GAB1: variants seen among roughly 807,000 people sequenced by gnomAD.
GAB1 encodes GRB2-associated-binding protein 1.
A neutral mutation model predicts 66.5 loss-of-function variants in GAB1; 19 were observed. The ratio of observed to expected loss-of-function variants is 0.29; its 90% CI spans 0.20 to 0.42. GAB1 has a LOEUF of 0.42. GAB1 is among the 10% of genes least tolerant of loss of function. GAB1 has a pLI of 1.00. For synonymous variants in GAB1, 294 were observed against 301.4 expected (o/e 0.98, Z 0.25); for missense variants, 732 against 858.5 (o/e 0.85, Z 1.84).
chr4:143,396,800 A>G (rs1731477696), intron 1 of GAB1, among the ~76,000 whole-genome samples: 2 of 152,270 alleles, frequency 1.3e-5, no homozygotes, highest in South Asian at 4.1e-4. Context: ...CTAATTTTAA[A>G]AACTGTACAC....
intron 1 of GAB1, among the ~76,000 whole-genome samples, chr4:143,357,857 T>C (rs898295117): frequency 2.0e-5 from 3 of 149,536 alleles, no homozygotes; most frequent in African/African-American, 7.7e-5. Flanking sequence ...TAAGACTTAG[T>C]TTTAAATCAT....
intron 1 of GAB1, among the ~76,000 whole-genome samples, chr4:143,351,561 T>C (rs1729225414): frequency 6.6e-6 from 1 of 152,150 alleles, no homozygotes; most frequent in South Asian, 2.1e-4. Flanking sequence ...AAGGTGACCT[T>C]TCGGCGGCAA....
At position 143,438,121 on chromosome 4, in the gene GAB1, A is replaced by G; in HGVS notation, c.716A>G (p.Gln239Arg). ...GGAATGAATGGCTTTTTTCAGCAGC[A>G]AATGATATACGACTCTCCACCTTCA... is the stretch of plus-strand genomic sequence containing the variant. The part of the protein sequence containing the change: ...KHGMNGFFQQ[Q>R]MIYDSPPSRA... The change falls in exon 4 of 10, where the codon CAA (glutamine) becomes CGA (arginine). Residue 239 changes from glutamine (Q) to arginine (R), a missense_variant. Physicochemically the swap from Gln to Arg is conservative, Grantham distance 43. Transcript: ENST00000262994. The G allele has an allele frequency of 1.2e-6, 2 of 1,614,104 alleles. No individual in the cohort carries two copies. Among genetic ancestry groups the G allele is most frequent in the African/African-American group, 1.3e-5 (1 of 75,028 alleles).
Position 143,440,345 on chromosome 4 carries a change from A to G in GAB1, c.1548A>G (p.Pro516=). ...RRPVPVADCE[P]PPVDRNLKPD... ...CAGTTCCTGTTGCAGACTGTGAACC[A>G]CCCCCCGTGGATAGGAACCTCAAGC... Residue 516 remains proline (P), a synonymous_variant, in exon 6 of 10, where the codon CCA becomes CCG. Coordinates refer to ENST00000262994, the MANE Select transcript of GAB1 (RefSeq NM_002039.4). 6.2e-7 allele frequency: 1 copy of G among 1,613,574 alleles called. No homozygotes were observed.
chr4:143,371,217 C>T (rs1009077266), intron 1 of GAB1, among the ~76,000 whole-genome samples: 1 of 152,006 alleles, frequency 6.6e-6, no homozygotes, highest in African/African-American at 2.4e-5. Context: ...CCTGTTGTTT[C>T]CTGACTTTTT....
At chr4:143,417,131 A>C (rs1022747357) in intron 2 of GAB1, among the ~76,000 whole-genome samples, 1 of 152,236 alleles carries the variant, frequency 6.6e-6, no homozygotes, top group African/African-American at 2.4e-5. Flanking sequence ...TGCAAAATGT[A>C]GGCTTTTGAA....
Position 143,439,900 on chromosome 4 carries a change from G to A in GAB1, c.1281+13G>A. On this transcript the variant is annotated intron_variant, in intron 5 of 9. Transcript: ENST00000262994. ...CCATAACCACTTTGTAAGTATAATT[G>A]ACCTTGGCATCATCAAGTGTATTTC... 6.3e-7 allele frequency: 1 copy of A among 1,581,840 alleles called. No homozygotes were observed. The highest frequency in any genetic ancestry group is 8.7e-7 in the Non-Finnish European group (1 of 1,150,836).
intron 8 of GAB1, among the ~76,000 whole-genome samples, chr4:143,464,522 G>A (rs193230598): frequency 8.1e-4 from 123 of 152,194 alleles, no homozygotes; most frequent in African/African-American, 2.6e-3. Context: ...GAGCCACCGC[G>A]CCTAGCCATT....
At position 143,433,564 on chromosome 4, in the gene GAB1, A is replaced by G. The variant is rs1184103716; in HGVS notation, c.441A>G (p.Pro147=). 1 of 1,613,882 alleles carries G rather than the reference A, an allele frequency of 6.2e-7. No individual in the cohort carries two copies. The highest frequency in any genetic ancestry group is 8.5e-7 in the Non-Finnish European group (1 of 1,179,926). Residue 147 remains proline (P), a synonymous_variant, in exon 3 of 10, where the codon CCA becomes CCG. Transcript: ENST00000262994. ...CTTTAGCTATAAATACAGCACCACCATCCACCCAGGCAGATTCATCCTCTG... is the reference window on the plus strand; with the variant it reads ...CTTTAGCTATAAATACAGCACCACCGTCCACCCAGGCAGATTCATCCTCTG... ...DLPLAINTAP[P]STQADSSSAT...
At chr4:143,423,507 C>T (rs1253917982) in intron 2 of GAB1, among the ~76,000 whole-genome samples, 1 of 151,856 alleles carries the variant, frequency 6.6e-6, no homozygotes, top group Non-Finnish European at 1.5e-5. Flanking sequence ...ACCATCCTGG[C>T]TAACACAGTG....
chr4:143,446,040 A>G (rs1345693799), intron 6 of GAB1, among the ~76,000 whole-genome samples: 3 of 151,784 alleles, frequency 2.0e-5, no homozygotes, highest in Non-Finnish European at 4.4e-5. Flanking sequence ...GAGAACATGC[A>G]GTGTTTGGTT....
In GAB1 at chr4:143,433,702, G is replaced by A. The variant is rs201423682; in HGVS notation, c.579G>A (p.Lys193=). ...TGCTCATCAACTGTCAAAGCAAGAA[G>A]CCCGAACCCACCAGGTAAATTATAT... is the stretch of plus-strand genomic sequence containing the variant. ...YLLLINCQSK[K]PEPTRTHADS... The change falls in exon 3 of 10, where the codon AAG becomes AAA. Residue 193 remains lysine, a synonymous_variant. Transcript: ENST00000262994. The A allele has an allele frequency of 1.9e-6, 3 of 1,613,660 alleles. No individual in the cohort carries two copies. The East Asian group carries it at 6.7e-5, about 36-fold the overall frequency.
Position 143,366,945 on chromosome 4 carries a change from G to A in GAB1, c.72+29685G>A, listed in dbSNP as rs112724102. Among the ~76,000 whole-genome samples the A allele has an allele frequency of 2.7e-3, 417 of 151,974 alleles. 3 individuals carry two copies. The highest frequency in any genetic ancestry group is 9.7e-3 in the African/African-American group (400 of 41,370). On this transcript the variant is annotated intron_variant, in intron 1 of 9. Coordinates refer to ENST00000262994, the MANE Select transcript of GAB1 (RefSeq NM_002039.4). Reference sequence around the variant, plus strand: ...GGTTGGGTGCCATTCCTTCTTTAAGGACTATCTCAAATGGTACTTTTTTCC... The same window carrying A: ...GGTTGGGTGCCATTCCTTCTTTAAGAACTATCTCAAATGGTACTTTTTTCC...
intron 1 of GAB1, among the ~76,000 whole-genome samples, chr4:143,377,511 A>G (rs928146859): frequency 2.0e-5 from 3 of 152,214 alleles, no homozygotes; most frequent in African/African-American, 7.2e-5. Flanking sequence ...TTTTCTCAGA[A>G]CAGATCTTTT....
chr4:143,405,080 CAA>C (rs1205217964), intron 1 of GAB1, among the ~76,000 whole-genome samples: 1 of 152,130 alleles, frequency 6.6e-6, no homozygotes, highest in African/African-American at 2.4e-5. Context: ...TTTATTTAAA[CAA>C]GACGTTATTA....
chr4:143,439,813 C>G lies in GAB1; in HGVS notation c.1207C>G (p.Gln403Glu), dbSNP rs1734125743. Residue 403 changes from glutamine to glutamate, a missense_variant, in exon 5 of 10, where the codon CAA becomes GAA. Gln to Glu is a conservative substitution (Grantham distance 29, BLOSUM62 2). Around this residue, in one of 4 missense-constraint regions of GAB1, gnomAD observed 427 missense variants for 420.6 expected, o/e 1.02. Transcript: ENST00000262994. ...GTTCTTTATTTTAGATGCTAGTTCT[C>G]AAGACTGCTATGATATTCCACGAGC... is the stretch of plus-strand genomic sequence containing the variant. ...LNKLRKDASS[Q>E]DCYDIPRAFP... The G allele has an allele frequency of 1.2e-6, 2 of 1,611,802 alleles. No homozygotes were observed. The highest frequency in any genetic ancestry group is 1.7e-6 in the Non-Finnish European group (2 of 1,178,028).
At chr4:143,386,012 C>T (rs1730887563) in intron 1 of GAB1, among the ~76,000 whole-genome samples, 1 of 152,088 alleles carries the variant, frequency 6.6e-6, no homozygotes, top group Admixed American at 6.6e-5. Flanking sequence ...CGTGGCTGTG[C>T]GCACCTGTCG....
At chr4:143,355,285 T>A (rs1228332586) in intron 1 of GAB1, among the ~76,000 whole-genome samples, 1 of 152,188 alleles carries the variant, frequency 6.6e-6, no homozygotes, top group African/African-American at 2.4e-5. Context: ...TCATTACCAT[T>A]TCTATATCCA....
intron 3 of GAB1, among the ~76,000 whole-genome samples, chr4:143,435,084 CAG>C (rs1284059213): frequency 6.6e-6 from 1 of 151,846 alleles, no homozygotes; most frequent in Non-Finnish European, 1.5e-5. Context: ...TATTTTATGA[CAG>C]ATTTTTTTTT....
Sources: allele counts gnomAD v4.1 joint callset (sites outside exome capture counted in the v4.1 genomes callset), GRCh38; gene constraint gnomAD v4.1.1; regional missense constraint gnomAD v4.1.1; transcripts MANE v1.5; gene names NCBI Gene and HGNC (gene_info 2026-07-23, HGNC 2026-07-21).